RBFOX1: variants seen among roughly 807,000 people sequenced by gnomAD.
RBFOX1 encodes the protein RNA binding fox-1 homolog 1.
RBFOX1 carries 8 observed loss-of-function variants against 57.7 expected under a neutral mutation model. The ratio of observed to expected loss-of-function variants is 0.14; its 90% CI spans 0.08 to 0.25. RBFOX1 has a LOEUF of 0.25. Among genes scored for constraint, RBFOX1 ranks in the 10% least tolerant of loss-of-function variants. RBFOX1 has a pLI of 1.00. For synonymous variants in RBFOX1, 326 were observed against 222.4 expected (o/e 1.47, Z -4.15); for missense variants, 611 against 548.5 (o/e 1.11, Z -1.14).
chr16:6,411,800 A>G (rs1401650151), intron 2 of RBFOX1, among the ~76,000 whole-genome samples: 1 of 152,226 alleles, frequency 6.6e-6, no homozygotes, highest in Non-Finnish European at 1.5e-5. Flanking sequence ...ACCAGTTTTC[A>G]GATGAAGTGA....
intron 3 of RBFOX1, among the ~76,000 whole-genome samples, chr16:7,040,422 A>G (rs577790468): frequency 4.6e-5 from 7 of 152,196 alleles, no homozygotes; most frequent in Non-Finnish European, 1.0e-4. Flanking sequence ...TACAATAACC[A>G]TATAACTCAG....
chr16:6,552,062 G>GGT (rs1170581230), intron 2 of RBFOX1, among the ~76,000 whole-genome samples: 3 of 152,174 alleles, frequency 2.0e-5, no homozygotes, highest in African/African-American at 7.2e-5. Context: ...ACCTTTGCTT[G>GGT]GTAACAGGTT....
chr16:7,395,671 G>C (rs894649887), intron 4 of RBFOX1, among the ~76,000 whole-genome samples: 1 of 152,216 alleles, frequency 6.6e-6, no homozygotes, highest in African/African-American at 2.4e-5. Flanking sequence ...ATGCAGTACA[G>C]TTATTAAATA....
At position 5,947,463 on chromosome 16, in the gene RBFOX1, G is replaced by A. The variant is rs925271710; in HGVS notation, c.351+80128G>A. On this transcript the variant is annotated intron_variant, in intron 4 of 19. Coordinates refer to the RBFOX1 transcript ENST00000641259. The surrounding 1 kb of genome is among the most constrained non-coding windows in gnomAD (Gnocchi z 7.2). ...GCTCACTACAGCCTCGAAATCTTGT[G>A]CTCAAGCCATTTTCCTGCCTCTGCC... Among the ~76,000 whole-genome samples, 16 of 152,224 alleles carry A rather than the reference G, an allele frequency of 1.1e-4. 1 individual carries two copies. The highest frequency in any genetic ancestry group is 9.2e-4 in the Admixed American group (14 of 15,282).
intron 10 of RBFOX1, among the ~76,000 whole-genome samples, chr16:7,619,546 C>G (rs1469597541): frequency 3.3e-5 from 5 of 152,118 alleles, no homozygotes; most frequent in Non-Finnish European, 7.4e-5. Context: ...AGGATCTCAT[C>G]CTCATTCCAC....
intron 4 of RBFOX1, among the ~76,000 whole-genome samples, chr16:7,447,576 C>G (rs141532952): frequency 2.6e-5 from 4 of 152,214 alleles, no homozygotes; most frequent in African/African-American, 9.6e-5. Context: ...TTATCCATTT[C>G]TGTTCCCAGT....
chr16:7,666,239 G>A (rs895121989), intron 13 of RBFOX1, among the ~76,000 whole-genome samples: 5 of 152,102 alleles, frequency 3.3e-5, no homozygotes, highest in African/African-American at 1.2e-4. Context: ...CAGCCCATGG[G>A]TAGATTATTG....
intron 3 of RBFOX1, among the ~76,000 whole-genome samples, chr16:5,818,249 A>T (rs1049740608): frequency 1.6e-4 from 24 of 152,160 alleles, no homozygotes; most frequent in African/African-American, 1.7e-4. Context: ...TACCGTCATC[A>T]GTTTTGCATA....
In RBFOX1 at chr16:7,225,668, G is replaced by A. The variant is rs142642521; in HGVS notation, c.27+173570G>A. On this transcript the variant is annotated intron_variant, in intron 4 of 15. Coordinates refer to ENST00000550418, the MANE Select transcript of RBFOX1 (RefSeq NM_018723.4). ...TGATTTGTTCTCCTGAAATCTTTAG[G>A]TGGCACGGGACAGAAATCCAAATAG... 5.6e-3 allele frequency among the ~76,000 whole-genome samples: 832 copies of A among 147,424 alleles called. 8 individuals carry two copies. Among genetic ancestry groups the A allele is most frequent in the African/African-American group, 0.02 (785 of 39,690 alleles).
chr16:7,509,980 T>TTC (rs376172491), intron 4 of RBFOX1: 4,468 of 186,300 alleles, frequency 0.024, 228 homozygotes, highest in African/African-American at 0.1. Context: ...TTTTTTTTTT[T>TTC]CCCTTCCTCC....
intron 2 of RBFOX1, among the ~76,000 whole-genome samples, chr16:6,330,096 A>G (rs532519360): frequency 6.6e-6 from 1 of 152,350 alleles, no homozygotes; most frequent in East Asian, 1.9e-4. Flanking sequence ...AGCACACTGT[A>G]CAATAATGTA....
intron 5 of RBFOX1, among the ~76,000 whole-genome samples, chr16:7,534,798 T>C (rs969389053): frequency 2.6e-5 from 4 of 152,130 alleles, no homozygotes; most frequent in African/African-American, 7.2e-5. Context: ...GGGCCCTTAA[T>C]TCTAACACAC....
chr16:7,171,654 A>C (rs889790586), intron 4 of RBFOX1, among the ~76,000 whole-genome samples: 1 of 152,190 alleles, frequency 6.6e-6, no homozygotes, highest in Admixed American at 6.5e-5. Flanking sequence ...TTACTTCACC[A>C]TGCCAGAAGG....
At chr16:7,681,934 T>C (rs2074864238) in intron 14 of RBFOX1, among the ~76,000 whole-genome samples, 1 of 152,092 alleles carries the variant, frequency 6.6e-6, no homozygotes, top group Non-Finnish European at 1.5e-5. Flanking sequence ...CAAGGAGAGA[T>C]CTCAAGATCT....
chr16:6,401,713 G>A (rs1336891603), intron 2 of RBFOX1, among the ~76,000 whole-genome samples: 9 of 152,060 alleles, frequency 5.9e-5, no homozygotes, highest in Non-Finnish European at 7.4e-5. Flanking sequence ...TAGACGCAGA[G>A]AACGAAGGAA....
chr16:7,688,270 A>G (rs1235562568), intron 14 of RBFOX1, among the ~76,000 whole-genome samples: 1 of 147,520 alleles, frequency 6.8e-6, no homozygotes, highest in Admixed American at 6.8e-5. Flanking sequence ...TGAGAGAGAG[A>G]GAGAGAGAGA....
intron 3 of RBFOX1, among the ~76,000 whole-genome samples, chr16:5,788,065 G>C (rs757950796): frequency 3.4e-4 from 52 of 152,252 alleles, no homozygotes; most frequent in Non-Finnish European, 5.7e-4. Context: ...TGACTTGTAG[G>C]GGTGTTGAAA....
At chr16:7,181,923 A>G (rs959384980) in intron 4 of RBFOX1, among the ~76,000 whole-genome samples, 2 of 152,338 alleles carry the variant, frequency 1.3e-5, no homozygotes, top group Admixed American at 6.5e-5. Flanking sequence ...TCTACGGAAA[A>G]AAAACTCAGC....
intron 3 of RBFOX1, among the ~76,000 whole-genome samples, chr16:6,736,940 T>G (rs1046561404): frequency 3.3e-5 from 5 of 152,284 alleles, no homozygotes; most frequent in Admixed American, 1.3e-4. Context: ...ATGTCTGCTG[T>G]GAAGTTAGCA....
Sources: allele counts gnomAD v4.1 joint callset (sites outside exome capture counted in the v4.1 genomes callset), GRCh38; gene constraint gnomAD v4.1.1; non-coding constraint Gnocchi (gnomAD v3.1); transcripts MANE v1.5; gene names NCBI Gene and HGNC (gene_info 2026-07-23, HGNC 2026-07-21).